ANGEL2: variants seen among roughly 807,000 people sequenced by gnomAD.
ANGEL2 encodes the protein RNA 2',3'-cyclic phosphatase ANGEL2.
A neutral mutation model predicts 66.0 loss-of-function variants in ANGEL2; 41 were observed. That is an observed-to-expected ratio of 0.62 (90% CI 0.48 to 0.81). ANGEL2 has a LOEUF of 0.81. Among genes scored for constraint, ANGEL2 ranks in the 30% least tolerant of loss-of-function variants. The pLI is 0.00. For missense variants in ANGEL2, 561 were observed against 641.6 expected (o/e 0.87, Z 1.36); for synonymous variants, 208 against 226.5 (o/e 0.92, Z 0.73).
chr1:212,994,868 A>T lies in ANGEL2; in HGVS notation c.*173T>A. The T allele has an allele frequency of 4.3e-6, 2 of 466,908 alleles. No individual in the cohort carries two copies. The highest frequency in any genetic ancestry group is 6.8e-6 in the Non-Finnish European group (2 of 293,628). 28.9% of individuals were successfully genotyped at this position (466,908 alleles called of 1,614,324 possible). ...TGTCACGAAAATATTTTTCATTATTAAAAAAAATTGTTATAAAGTTATTTC... is the reference window on the plus strand; with the variant it reads ...TGTCACGAAAATATTTTTCATTATTTAAAAAAATTGTTATAAAGTTATTTC... On this transcript the variant is annotated 3_prime_UTR_variant, in exon 9 of 9. Coordinates refer to ENST00000366962, the MANE Select transcript of ANGEL2 (RefSeq NM_144567.5).
rs1286253130 is a variant in ANGEL2 at position 212,994,455 on chromosome 1, A to G, written c.*586T>C. 1 of 152,222 alleles carries G rather than the reference A, an allele frequency of 6.6e-6. No homozygotes were observed. Among genetic ancestry groups the G allele is most frequent in the Admixed American group, 6.5e-5 (1 of 15,278 alleles). The allele number at this position is 152,222 out of a possible 1,614,324, so 9.4% of individuals were successfully genotyped here. A position where few individuals can be genotyped will look rare whatever the true frequency, so the allele number is the denominator to read the frequency against. Reference sequence around the variant, plus strand: ...AACATTTCCCCAACACGATGCAGGCATATTACATGGCTCAGGACAGTAATA... The same window carrying G: ...AACATTTCCCCAACACGATGCAGGCGTATTACATGGCTCAGGACAGTAATA... On this transcript the variant is annotated 3_prime_UTR_variant, in exon 9 of 9. Transcript: ENST00000366962.
At chr1:213,001,805 C>CT (rs1367754940) in intron 5 of ANGEL2, 3 of 152,274 alleles carry the variant, frequency 2.0e-5, no homozygotes, top group African/African-American at 7.2e-5. Flanking sequence ...AGAAAATACT[C>CT]TGCTCATCTA....
At position 212,997,027 on chromosome 1, in the gene ANGEL2, T is replaced by C; in HGVS notation, c.1483+128A>G. 3 of 844,868 alleles carry C rather than the reference T, an allele frequency of 3.6e-6. No individual in the cohort carries two copies. The South Asian group carries it at 6.7e-5, about 19-fold the overall frequency. The allele number at this position is 844,868 out of a possible 1,614,324, so 52.3% of individuals were successfully genotyped here. On this transcript the variant is annotated intron_variant, in intron 8 of 8. Transcript: ENST00000366962. The stretch of plus-strand genomic sequence containing the variant: ...TTCAAATATATTACCAATCTGTCTA[T>C]TTCGAAATATTTTTACCTTCTAGAT...
chr1:212,998,971 C>G (rs940224086), intron 7 of ANGEL2, among the ~76,000 whole-genome samples: 5 of 152,058 alleles, frequency 3.3e-5, no homozygotes, highest in Non-Finnish European at 7.4e-5. Flanking sequence ...CCTCTGCCCC[C>G]CAGGGTTCAA....
chr1:213,011,410 G>A, intron 2 of ANGEL2: 1 of 1,131,316 alleles, frequency 8.8e-7, no homozygotes, highest in South Asian at 1.9e-5. Flanking sequence ...TGAAATATCG[G>A]AAGTCACAAA....
At chr1:213,014,677 C>A (rs2076592820) in intron 1 of ANGEL2, among the ~76,000 whole-genome samples, 1 of 152,196 alleles carries the variant, frequency 6.6e-6, no homozygotes, top group Non-Finnish European at 1.5e-5. Context: ...AGGGCCAGAA[C>A]AGAACCGTCT....
At chr1:213,015,167 C>A in intron 1 of ANGEL2, 1 of 1,009,682 alleles carries the variant, frequency 9.9e-7, no homozygotes, top group Middle Eastern at 4.9e-4. Context: ...AAAAATCAAG[C>A]CCCTCCTGGG....
intron 5 of ANGEL2, chr1:213,001,313 A>G (rs1572121147): frequency 5.1e-6 from 1 of 194,994 alleles, no homozygotes; most frequent in East Asian, 1.8e-4. Context: ...AAGTCACATA[A>G]TTTTTTCAGT....
At chr1:212,996,640 A>AAAAAATATATATAT (rs56102625) in intron 8 of ANGEL2, among the ~76,000 whole-genome samples, 2 of 66,470 alleles carry the variant, frequency 3.0e-5, no homozygotes, top group African/African-American at 1.4e-4. Context: ...AAAAAAAAAA[A>AAAAAATATATATAT]ATATATATAT....
chr1:213,006,217 T>C (rs980556731), intron 4 of ANGEL2, among the ~76,000 whole-genome samples: 5 of 151,968 alleles, frequency 3.3e-5, no homozygotes, highest in African/African-American at 1.2e-4. Flanking sequence ...ATCCCAGCAC[T>C]TTGGGAGGCC....
At chr1:213,011,741 C>T (rs549168757) in intron 2 of ANGEL2, among the ~76,000 whole-genome samples, 34 of 152,236 alleles carry the variant, frequency 2.2e-4, no homozygotes, top group Admixed American at 5.9e-4. Flanking sequence ...GGGAGTGGTT[C>T]CTAAATCAAT....
rs189267858 is a variant in ANGEL2, at chr1:212,996,967, T to C, written c.1483+188A>G. Among the ~76,000 whole-genome samples the C allele has an allele frequency of 3.6e-3, 554 of 152,244 alleles. 13 individuals carry two copies. Among genetic ancestry groups the C allele is most frequent in the Admixed American group, 0.034 (518 of 15,276 alleles). ...TAATAATTTGCTTGGATGTGTTTTATTGCCTCCCTCATATGCAAGTAATCA... is the reference window on the plus strand; with the variant it reads ...TAATAATTTGCTTGGATGTGTTTTACTGCCTCCCTCATATGCAAGTAATCA... On this transcript the variant is annotated intron_variant, in intron 8 of 8. Transcript: ENST00000366962.
chr1:213,015,525 C>T (rs2148187916), intron 1 of ANGEL2, 88 bp downstream of exon 1: 3 of 1,448,582 alleles, frequency 2.1e-6, no homozygotes, highest in South Asian at 1.3e-5. Context: ...GCCCGCCCCG[C>T]CCCGCCCCGG....
chr1:212,995,257 C>T (rs2075964839), intron 8 of ANGEL2, 65 bp from the exon 9 acceptor site: 17 of 1,429,694 alleles, frequency 1.2e-5, no homozygotes, highest in Non-Finnish European at 1.4e-5. Context: ...ATTAATCATA[C>T]AAGTCTTTTC....
Position 212,992,253 on chromosome 1 carries a change from A to G in ANGEL2, c.*2788T>C, listed in dbSNP as rs557626579. 13 of 152,298 alleles carry G rather than the reference A, an allele frequency of 8.5e-5. No individual in the cohort carries two copies. Among genetic ancestry groups the G allele is most frequent in the African/African-American group, 2.9e-4 (12 of 41,572 alleles). The allele number at this position is 152,298 out of a possible 1,614,324, so 9.4% of individuals were successfully genotyped here. A position where few individuals can be genotyped will look rare whatever the true frequency, so the allele number is the denominator to read the frequency against. Reference sequence around the variant, plus strand: ...ATGACTTGACGCCTCTCTTTCCCCAATCCCTTGAACTCTCTGGATCTCAAA... The same window carrying G: ...ATGACTTGACGCCTCTCTTTCCCCAGTCCCTTGAACTCTCTGGATCTCAAA... On this transcript the variant is annotated 3_prime_UTR_variant, in exon 9 of 9. Transcript: ENST00000366962.
rs552351302 is a variant in ANGEL2 at position 212,992,591 on chromosome 1, G to C, written c.*2450C>G. The C allele has an allele frequency of 6.6e-6, 1 of 152,294 alleles. No homozygotes were observed. Among genetic ancestry groups the C allele is most frequent in the East Asian group, 1.9e-4 (1 of 5,184 alleles). The allele number at this position is 152,294 out of a possible 1,614,324, so 9.4% of individuals were successfully genotyped here. The stretch of plus-strand genomic sequence containing the variant: ...TTTTAGTGGAGCTTTAAAAACCTGT[G>C]AGAAGCTCACATTGACTTTTTGGCC... On this transcript the variant is annotated 3_prime_UTR_variant, in exon 9 of 9. Transcript: ENST00000366962.
chr1:213,011,400 T>C, intron 2 of ANGEL2: 1 of 1,143,756 alleles, frequency 8.7e-7, no homozygotes, highest in Non-Finnish European at 1.1e-6. Context: ...AAAGTATTAG[T>C]GAAATATCGG....
intron 8 of ANGEL2, 107 bp from the exon 9 acceptor site, chr1:212,995,299 A>C (rs2075966252): frequency 1.7e-5 from 15 of 900,768 alleles, no homozygotes; most frequent in Non-Finnish European, 2.4e-5. Flanking sequence ...AGGCCCCTCC[A>C]GAAGACTAAA....
At chr1:213,002,472 C>T (rs1264855092) in intron 5 of ANGEL2, among the ~76,000 whole-genome samples, 1 of 152,128 alleles carries the variant, frequency 6.6e-6, no homozygotes, top group Non-Finnish European at 1.5e-5. Flanking sequence ...TCAGAATGGT[C>T]AATGAATGCT....
Sources: gnomAD v4.1 joint callset for allele counts (sites outside exome capture counted in the v4.1 genomes callset) on GRCh38, gnomAD v4.1.1 for gene constraint, MANE v1.5 for transcripts, NCBI Gene and HGNC (gene_info 2026-07-23, HGNC 2026-07-21) for gene names.